POT1: variants seen among roughly 807,000 people sequenced by gnomAD.
POT1 encodes protection of telomeres 1.
POT1 carries 47 observed loss-of-function variants against 78.5 expected under a neutral mutation model. That is an observed-to-expected ratio of 0.60 (90% CI 0.47 to 0.76). POT1 has a LOEUF of 0.76. Among genes scored for constraint, POT1 ranks in the 30% least tolerant of loss-of-function variants. The probability of loss-of-function intolerance (pLI) is 0.00; values close to 1 mark genes in which losing one functional copy is unlikely to be tolerated. For synonymous variants in POT1, 259 were observed against 260.7 expected (o/e 0.99, Z 0.06); for missense variants, 646 against 749.9 (o/e 0.86, Z 1.62).
chr7:124,855,777 G>C (rs1795433460), intron 9 of POT1, among the ~76,000 whole-genome samples: 1 of 151,724 alleles, frequency 6.6e-6, no homozygotes. Flanking sequence ...TTTCCCTTTA[G>C]GTTTATTATT....
intron 2 of POT1, among the ~76,000 whole-genome samples, chr7:124,918,055 C>G (rs535155626): frequency 6.6e-6 from 1 of 152,208 alleles, no homozygotes; most frequent in Non-Finnish European, 1.5e-5. Context: ...AACTGCTAAG[C>G]CTGCCTACCA....
chr7:124,892,855 A>G (rs567044115), intron 5 of POT1: 10 of 151,584 alleles, frequency 6.6e-5, no homozygotes, highest in African/African-American at 2.4e-4. Context: ...AACTGAAGCA[A>G]TAACACAAAA....
At chr7:124,928,176 GATC>G (rs563868941) in intron 2 of POT1, among the ~76,000 whole-genome samples, 147 of 152,198 alleles carry the variant, frequency 9.7e-4, no homozygotes, top group Non-Finnish European at 8.4e-4. Context: ...CACTGGCCCA[GATC>G]ATCATCAACT....
chr7:124,877,458 T>C (rs1323856449), intron 6 of POT1, among the ~76,000 whole-genome samples: 6 of 151,648 alleles, frequency 4.0e-5, no homozygotes, highest in East Asian at 3.9e-4. Context: ...CCCAGATAGA[T>C]AGATAGAGAG....
intron 6 of POT1, among the ~76,000 whole-genome samples, chr7:124,874,797 A>G (rs1795951236): frequency 6.6e-6 from 1 of 150,812 alleles, no homozygotes. Flanking sequence ...GAAGGGAATG[A>G]GGGGGAGGAA....
rs1797364918 is a variant in POT1, at chr7:124,929,812, C to A, written c.-430G>T. ...CACTCACCCGTACTCTAGAAAGAAC[C>A]CTAGGAAGAGTTTAGGCGGGCGCGC... On this transcript the variant is annotated 5_prime_UTR_variant, in exon 1 of 19. Transcript: ENST00000357628. 6.6e-6 allele frequency: 1 copy of A among 152,272 alleles called. No individual in the cohort carries two copies. Among genetic ancestry groups the A allele is most frequent in the African/African-American group, 2.4e-5 (1 of 41,456 alleles). 9.4% of individuals were successfully genotyped at this position (152,272 alleles called of 1,614,324 possible).
chr7:124,882,654 CTT>C (rs1340637067), intron 6 of POT1, among the ~76,000 whole-genome samples: 2 of 151,514 alleles, frequency 1.3e-5, no homozygotes, highest in Non-Finnish European at 2.9e-5. Context: ...GAGAAAAAGT[CTT>C]TTAACTGAAT....
In POT1 at chr7:124,882,992, G is replaced by C. The variant is rs114144854; in HGVS notation, c.124+9274C>G. 8.5e-3 allele frequency among the ~76,000 whole-genome samples: 1,293 copies of C among 152,110 alleles called. 15 individuals carry two copies. The highest frequency in any genetic ancestry group is 0.029 in the African/African-American group (1,215 of 41,528). ...AAATTGATAGAATAGCTGGAAAACA[G>C]TATAAGTAAGCTGAAGAGGGGAGGC... On this transcript the variant is annotated intron_variant, in intron 6 of 18. Coordinates refer to ENST00000357628, the MANE Select transcript of POT1 (RefSeq NM_015450.3).
intron 2 of POT1, among the ~76,000 whole-genome samples, chr7:124,919,018 G>A (rs966516895): frequency 3.3e-5 from 5 of 152,092 alleles, no homozygotes; most frequent in African/African-American, 1.2e-4. Context: ...AAAATGTGTT[G>A]TCAGGCAATT....
chr7:124,868,182 T>C (rs1417464372), intron 7 of POT1, among the ~76,000 whole-genome samples: 1 of 152,138 alleles, frequency 6.6e-6, no homozygotes, highest in African/African-American at 2.4e-5. Context: ...AAAACAAATG[T>C]CTGTACTTAG....
rs759217675 is a variant in POT1 at position 124,897,118 on chromosome 7, T to C, written c.9+47A>G. 2 of 1,259,476 alleles carry C rather than the reference T, an allele frequency of 1.6e-6. No individual in the cohort carries two copies. Among genetic ancestry groups the C allele is most frequent in the East Asian group, 2.5e-5 (1 of 39,466 alleles). 78.0% of individuals were successfully genotyped at this position (1,259,476 alleles called of 1,614,324 possible). On this transcript the variant is annotated intron_variant, in intron 5 of 18. Coordinates refer to ENST00000357628, the MANE Select transcript of POT1 (RefSeq NM_015450.3). The stretch of plus-strand genomic sequence containing the variant: ...CACATGTATCTATGTGTGTGGCATA[T>C]ACAGGTATAGGTGTAATACTCTAAA...
At chr7:124,850,262 T>C (rs935904431) in intron 11 of POT1, among the ~76,000 whole-genome samples, 9 of 152,160 alleles carry the variant, frequency 5.9e-5, no homozygotes, top group Non-Finnish European at 1.0e-4. Flanking sequence ...AAAATAAATG[T>C]AAAGTATGTA....
chr7:124,885,182 A>C (rs980603791), intron 6 of POT1, among the ~76,000 whole-genome samples: 1 of 145,588 alleles, frequency 6.9e-6, no homozygotes, highest in Non-Finnish European at 1.5e-5. Flanking sequence ...TGGGCTTGGT[A>C]TGGTGGTTCA....
chr7:124,892,233 A>T lies in POT1; in HGVS notation c.124+33T>A, dbSNP rs375425228. On this transcript the variant is annotated intron_variant, in intron 6 of 18. Transcript: ENST00000357628. The stretch of plus-strand genomic sequence containing the variant: ...GTTCCTAAATCAATAATGCATTTCC[A>T]CTCCAAAAAACTCCACCAGTTTTAA... The T allele has an allele frequency of 1.9e-5, 25 of 1,295,656 alleles. No individual in the cohort carries two copies. The African/African-American group carries it at 3.9e-4, about 20-fold the overall frequency. The allele number at this position is 1,295,656 out of a possible 1,614,324, so 80.3% of individuals were successfully genotyped here. A position where few individuals can be genotyped will look rare whatever the true frequency, so the allele number is the denominator to read the frequency against.
chr7:124,849,461 C>A (rs929967614), intron 11 of POT1, among the ~76,000 whole-genome samples: 5 of 152,132 alleles, frequency 3.3e-5, no homozygotes, highest in African/African-American at 1.2e-4. Flanking sequence ...GCTTAACTGT[C>A]AAAAATTACA....
chr7:124,867,058 C>A (rs1310729032), intron 7 of POT1, among the ~76,000 whole-genome samples: 2 of 152,166 alleles, frequency 1.3e-5, no homozygotes, highest in Non-Finnish European at 2.9e-5. Context: ...CTTGCCTCTG[C>A]TGATTAACAT....
intron 2 of POT1, among the ~76,000 whole-genome samples, chr7:124,916,262 A>ATCAATTTTACTTATAAAATAGGAC (rs1461371987): frequency 6.6e-6 from 1 of 152,188 alleles, no homozygotes; most frequent in Non-Finnish European, 1.5e-5. Flanking sequence ...TAAAAAATAG[A>ATCAATTTTACTTATAAAATAGGAC]TCAATTTTAC....
chr7:124,824,442 C>T (rs775659415), intron 18 of POT1, among the ~76,000 whole-genome samples: 1 of 151,844 alleles, frequency 6.6e-6, no homozygotes, highest in Non-Finnish European at 1.5e-5. Flanking sequence ...CAAAAGAATC[C>T]AAACAGTTAA....
At chr7:124,842,001 T>G (rs1241947529) in intron 13 of POT1, among the ~76,000 whole-genome samples, 1 of 151,940 alleles carries the variant, frequency 6.6e-6, no homozygotes, top group African/African-American at 2.4e-5. Flanking sequence ...CAAACCCAAA[T>G]TTTGGATTGG....
Sources: gnomAD v4.1 joint callset for allele counts (sites outside exome capture counted in the v4.1 genomes callset) on GRCh38, gnomAD v4.1.1 for gene constraint, MANE v1.5 for transcripts, NCBI Gene and HGNC (gene_info 2026-07-23, HGNC 2026-07-21) for gene names.